Variants in LIMA1 observed in about 807,000 individuals in gnomAD.
LIMA1 encodes the protein LIM domain and actin binding 1.
Under a neutral mutation model 62.6 loss-of-function variants are expected in LIMA1, and 52 were observed. That is an observed-to-expected ratio of 0.83 (90% CI 0.67 to 1.05). LIMA1 has a LOEUF of 1.05. Ranked by LOEUF, LIMA1 falls within the 50% of genes least tolerant of loss-of-function variation. The probability of loss-of-function intolerance (pLI) is 0.00; values close to 1 mark genes in which losing one functional copy is unlikely to be tolerated. For missense variants in LIMA1, 780 were observed against 902.2 expected, an observed-to-expected ratio of 0.86 and a Z score of 1.74; for synonymous variants, 302 against 317.8, an observed-to-expected ratio of 0.95 and a Z score of 0.53.
At chr12:50,178,195 C>A in intron 10 of LIMA1, 126 bp from the exon 11 acceptor site, 2 of 674,444 alleles carry the variant, frequency 3.0e-6, no homozygotes, top group Non-Finnish European at 4.5e-6. Flanking sequence ...TCTTTAAAAG[C>A]CCTTCAGTGA....
chr12:50,201,084 G>A, intron 6 of LIMA1, 200 bp from the exon 7 acceptor site: 1 of 1,368,316 alleles, frequency 7.3e-7, no homozygotes, highest in Non-Finnish European at 9.4e-7. Flanking sequence ...ATACCTCAGA[G>A]TTAAATATCT....
intron 7 of LIMA1, 181 bp from the exon 8 acceptor site, chr12:50,196,068 T>C (rs1198028497): frequency 5.3e-6 from 3 of 561,410 alleles, no homozygotes; most frequent in Non-Finnish European, 6.1e-6. Context: ...AAAATGTCTT[T>C]TATGAGGATA....
At chr12:50,182,251 T>C (rs1040176006) in intron 9 of LIMA1, 2 of 450,210 alleles carry the variant, frequency 4.4e-6, no homozygotes, top group Admixed American at 3.4e-5. Context: ...GCTCTAAATG[T>C]AGCAGCCACC....
intron 2 of LIMA1, among the ~76,000 whole-genome samples, chr12:50,245,966 GC>G (rs1941843062): frequency 6.6e-6 from 1 of 151,642 alleles, no homozygotes; most frequent in African/African-American, 2.4e-5. Context: ...GGGCGTGGTG[GC>G]TCACGCCTGT....
intron 1 of LIMA1, among the ~76,000 whole-genome samples, chr12:50,271,919 T>G (rs1285229757): frequency 6.6e-6 from 1 of 152,214 alleles, no homozygotes; most frequent in African/African-American, 2.4e-5. Flanking sequence ...TCTTGCCAAT[T>G]ACATGCTTAA....
intron 4 of LIMA1, among the ~76,000 whole-genome samples, chr12:50,208,198 A>C (rs1318803483): frequency 6.6e-6 from 1 of 152,024 alleles, no homozygotes; most frequent in Non-Finnish European, 1.5e-5. Flanking sequence ...AAAGATACAA[A>C]AGTTAGACTG....
intron 10 of LIMA1, among the ~76,000 whole-genome samples, chr12:50,180,383 G>A (rs746229346): frequency 3.3e-5 from 5 of 151,914 alleles, no homozygotes; most frequent in Non-Finnish European, 7.4e-5. Context: ...ACTGAGGCAT[G>A]AGAATCGCTT....
rs374745565 is a variant in LIMA1, at chr12:50,255,958, C to T, written c.-23-7184G>A. ...AGGCTAGAGTGCAGTGGCGCAATCT[C>T]GGCTCACTGCAACCTCCGCCTCCCA... On this transcript the variant is annotated intron_variant, in intron 1 of 10. Coordinates refer to ENST00000341247, the MANE Select transcript of LIMA1 (RefSeq NM_016357.5). 3.0e-4 allele frequency among the ~76,000 whole-genome samples: 46 copies of T among 152,036 alleles called. No homozygotes were observed. In the East Asian group the frequency reaches 5.6e-3, roughly 19 times the overall value.
chr12:50,239,381 G>A (rs953283617), intron 2 of LIMA1, among the ~76,000 whole-genome samples: 13 of 152,238 alleles, frequency 8.5e-5, no homozygotes, highest in Non-Finnish European at 1.8e-4. Context: ...GTTCATGCCT[G>A]TAATCCCAGC....
chr12:50,275,901 C>T (rs532057218), intron 1 of LIMA1, among the ~76,000 whole-genome samples: 33 of 152,144 alleles, frequency 2.2e-4, no homozygotes, highest in African/African-American at 7.7e-4. Context: ...ATTGTCTCCC[C>T]TTAAGTTTGT....
chr12:50,185,497 G>A, intron 9 of LIMA1: 2 of 456,022 alleles, frequency 4.4e-6, no homozygotes, highest in Non-Finnish European at 8.8e-6. Flanking sequence ...CATTTGGCGT[G>A]CCCTGGAGAG....
At position 50,222,345 on chromosome 12, in the gene LIMA1, G is replaced by C. The variant is rs367903430; in HGVS notation, c.306C>G (p.Asp102Glu). The change falls in exon 4 of 11, where the codon GAC (aspartate) becomes GAG (glutamate). Residue 102 changes from aspartate (D) to glutamate (E), a missense_variant. Coordinates refer to ENST00000341247, the MANE Select transcript of LIMA1 (RefSeq NM_016357.5). ...GGCTTGTCACTTCAGCAGGAGGATG[G>C]TCTGCTCTGTGCCTAATCTCAGTGC... ...NSSTEIRHRA[D>E]HPPAEVTSHA... The C allele has an allele frequency of 3.1e-6, 5 of 1,613,998 alleles. No individual in the cohort carries two copies. Among genetic ancestry groups the C allele is most frequent in the African/African-American group, 1.3e-5 (1 of 74,894 alleles).
At chr12:50,274,471 C>A (rs1304608776) in intron 1 of LIMA1, among the ~76,000 whole-genome samples, 1 of 151,870 alleles carries the variant, frequency 6.6e-6, no homozygotes, top group Non-Finnish European at 1.5e-5. Flanking sequence ...GGAGTCCCAG[C>A]TACTTGGGAG....
intron 2 of LIMA1, among the ~76,000 whole-genome samples, chr12:50,247,709 C>T (rs985805495): frequency 7.2e-5 from 11 of 151,732 alleles, no homozygotes; most frequent in African/African-American, 2.2e-4. Context: ...CTGCAACCTC[C>T]GCCTCCTGGG....
At chr12:50,195,767 C>A in intron 8 of LIMA1, 63 bp downstream of exon 8, 1 of 1,524,120 alleles carries the variant, frequency 6.6e-7, no homozygotes, top group Non-Finnish European at 8.9e-7. Context: ...TGGGAACACC[C>A]CTGAACCAAA....
chr12:50,211,321 C>T (rs1215062337), intron 4 of LIMA1, among the ~76,000 whole-genome samples: 1 of 144,620 alleles, frequency 6.9e-6, no homozygotes, highest in African/African-American at 2.6e-5. Flanking sequence ...GAAACTCCGC[C>T]CCACCCCCCC....
At chr12:50,193,544 TA>T (rs1339491673) in intron 8 of LIMA1, among the ~76,000 whole-genome samples, 1 of 136,592 alleles carries the variant, frequency 7.3e-6, no homozygotes, top group African/African-American at 2.8e-5. Flanking sequence ...GATATATATA[TA>T]CATATATATC....
chr12:50,181,399 G>A (rs1383319253), intron 10 of LIMA1, among the ~76,000 whole-genome samples: 5 of 152,138 alleles, frequency 3.3e-5, no homozygotes, highest in African/African-American at 1.2e-4. Context: ...ATGTTTCCCC[G>A]ATTTGTCACA....
intron 9 of LIMA1, chr12:50,186,877 G>C (rs552145354): frequency 6.6e-6 from 1 of 152,188 alleles, no homozygotes; most frequent in Non-Finnish European, 1.5e-5. Flanking sequence ...CAAACCAAGA[G>C]AGCATTTTCT....
Sources: gnomAD v4.1 joint callset for allele counts (sites outside exome capture counted in the v4.1 genomes callset) on GRCh38, gnomAD v4.1.1 for gene constraint, MANE v1.5 for transcripts, NCBI Gene and HGNC (gene_info 2026-07-23, HGNC 2026-07-21) for gene names.